Variants in SLC25A21 observed in about 807,000 individuals in gnomAD.
SLC25A21 encodes the protein solute carrier family 25 member 21.
Under a neutral mutation model 43.8 loss-of-function variants are expected in SLC25A21, and 47 were observed. The ratio of observed to expected loss-of-function variants is 1.07; its 90% CI spans 0.85 to 1.37. The LOEUF is 1.37. Among genes scored for constraint, SLC25A21 ranks in the 40% most tolerant of loss-of-function variants. The pLI, the probability that SLC25A21 is intolerant of heterozygous loss-of-function variation, is 0.00. For synonymous variants in SLC25A21, 131 were observed against 121.3 expected (o/e 1.08, Z -0.52); for missense variants, 352 against 350.2 (o/e 1.00, Z -0.04).
At chr14:36,732,475 T>G (rs8003134) in intron 4 of SLC25A21, among the ~76,000 whole-genome samples, 4 of 151,832 alleles carry the variant, frequency 2.6e-5, no homozygotes, top group African/African-American at 9.7e-5. Flanking sequence ...AACTACAATA[T>G]TAACTCTGTC....
At chr14:36,687,686 G>C (rs956096556) in intron 7 of SLC25A21, among the ~76,000 whole-genome samples, 1 of 152,104 alleles carries the variant, frequency 6.6e-6, no homozygotes, top group African/African-American at 2.4e-5. Context: ...GTCTCAGCTC[G>C]CCTCTGCTTT....
chr14:36,821,352 GT>G (rs986033952), intron 2 of SLC25A21, among the ~76,000 whole-genome samples: 4 of 140,778 alleles, frequency 2.8e-5, no homozygotes, highest in African/African-American at 7.7e-5. Flanking sequence ...TTTGAAGATA[GT>G]TTTTTTTAGC....
At chr14:36,838,078 C>A (rs1004395494) in intron 2 of SLC25A21, among the ~76,000 whole-genome samples, 1 of 152,074 alleles carries the variant, frequency 6.6e-6, no homozygotes, top group African/African-American at 2.4e-5. Context: ...AATCTTGTAC[C>A]GGAAACACCC....
At chr14:37,123,888 T>C (rs1244427319) in intron 1 of SLC25A21, among the ~76,000 whole-genome samples, 1 of 152,142 alleles carries the variant, frequency 6.6e-6, no homozygotes, top group Non-Finnish European at 1.5e-5. Flanking sequence ...GTAAATACTA[T>C]AAGGAAATAT....
chr14:37,160,797 G>C (rs1963926546), intron 1 of SLC25A21, among the ~76,000 whole-genome samples: 1 of 151,832 alleles, frequency 6.6e-6, no homozygotes, highest in African/African-American at 2.4e-5. Flanking sequence ...GGGCCTGGTA[G>C]CATGTGCCTG....
chr14:36,929,245 C>T (rs1892219595), intron 1 of SLC25A21, among the ~76,000 whole-genome samples: 1 of 152,126 alleles, frequency 6.6e-6, no homozygotes, highest in Admixed American at 6.6e-5. Context: ...ACACAGTGGT[C>T]TGTAACAAAT....
Position 36,898,349 on chromosome 14 carries a change from TCTC to T in SLC25A21, c.71-23348_71-23346del, listed in dbSNP as rs532380840. 2.8e-3 allele frequency among the ~76,000 whole-genome samples: 432 copies of T among 152,268 alleles called. 2 individuals carry two copies. The highest frequency in any genetic ancestry group is 9.8e-3 in the African/African-American group (406 of 41,562). On this transcript the variant is annotated intron_variant, in intron 1 of 9. Transcript: ENST00000331299. ...CCTCCGATCCAGGCACAGGATATAA[TCTC>T]CTGGTGTGCCATTTGCTAAGACCGT...
intron 1 of SLC25A21, among the ~76,000 whole-genome samples, chr14:36,896,373 T>C (rs1036284877): frequency 3.2e-4 from 49 of 152,308 alleles, no homozygotes; most frequent in African/African-American, 1.2e-3. Flanking sequence ...TCCTGCCTTT[T>C]TTTGTTTTCC....
At chr14:36,776,585 T>C (rs1469383650) in intron 3 of SLC25A21, among the ~76,000 whole-genome samples, 1 of 152,010 alleles carries the variant, frequency 6.6e-6, no homozygotes, top group Non-Finnish European at 1.5e-5. Context: ...GAATATCACA[T>C]GACCTGAAGA....
chr14:37,157,937 C>T (rs995875694), intron 1 of SLC25A21, among the ~76,000 whole-genome samples: 2 of 151,996 alleles, frequency 1.3e-5, no homozygotes, highest in African/African-American at 2.4e-5. Flanking sequence ...TATCAAAGAT[C>T]ATCAGAGACT....
At chr14:36,742,230 T>C (rs148484726) in intron 3 of SLC25A21, among the ~76,000 whole-genome samples, 49 of 152,336 alleles carry the variant, frequency 3.2e-4, no homozygotes, top group African/African-American at 1.1e-3. Context: ...ACAAAGCTGA[T>C]TGAAGGCATA....
chr14:37,061,619 A>G (rs1961949912), intron 1 of SLC25A21, among the ~76,000 whole-genome samples: 1 of 152,098 alleles, frequency 6.6e-6, no homozygotes, highest in African/African-American at 2.4e-5. Context: ...AAAAAAAATC[A>G]AGTACAAAGA....
At chr14:37,027,225 A>C (rs1961112104) in intron 1 of SLC25A21, among the ~76,000 whole-genome samples, 1 of 150,364 alleles carries the variant, frequency 6.7e-6, no homozygotes, top group Admixed American at 6.6e-5. Context: ...AGAGACTTCT[A>C]GGGATAATGA....
At chr14:36,926,496 G>A (rs1594697833) in intron 1 of SLC25A21, among the ~76,000 whole-genome samples, 1 of 152,244 alleles carries the variant, frequency 6.6e-6, no homozygotes, top group South Asian at 2.1e-4. Flanking sequence ...AGAGAGGTGG[G>A]TGGGACACTA....
At chr14:36,708,095 C>G (rs1213442605) in intron 7 of SLC25A21, among the ~76,000 whole-genome samples, 1 of 152,054 alleles carries the variant, frequency 6.6e-6, no homozygotes, top group African/African-American at 2.4e-5. Context: ...AAAAAACTAA[C>G]CAAATAAATG....
intron 1 of SLC25A21, among the ~76,000 whole-genome samples, chr14:36,911,799 G>C (rs571157541): frequency 7.2e-5 from 11 of 152,298 alleles, no homozygotes; most frequent in African/African-American, 2.6e-4. Flanking sequence ...AGAATTGTGA[G>C]AGATGATAGA....
chr14:36,894,848 A>G (rs912007127), intron 1 of SLC25A21, among the ~76,000 whole-genome samples: 2 of 151,914 alleles, frequency 1.3e-5, no homozygotes, highest in African/African-American at 4.8e-5. Context: ...ACGTTTATTG[A>G]TTTGTGTATG....
intron 1 of SLC25A21, among the ~76,000 whole-genome samples, chr14:37,062,458 A>AT (rs148996478): frequency 0.046 from 6,928 of 151,598 alleles, 492 homozygotes; most frequent in African/African-American, 0.16. Flanking sequence ...TCGCAAAATA[A>AT]TTTTTTTTTT....
chr14:37,152,386 A>ATTT (rs3061885), intron 1 of SLC25A21, among the ~76,000 whole-genome samples: 87,179 of 140,656 alleles, frequency 0.62, 28,501 homozygotes, highest in Non-Finnish European at 0.7. Context: ...TTTTATTTCA[A>ATTT]TTTTTTTTTT....
Sources: allele counts gnomAD v4.1 joint callset (sites outside exome capture counted in the v4.1 genomes callset), GRCh38; gene constraint gnomAD v4.1.1; transcripts MANE v1.5; gene names NCBI Gene and HGNC (gene_info 2026-07-23, HGNC 2026-07-21).